Variants in SPTB observed in about 807,000 individuals in gnomAD.
SPTB encodes the protein spectrin beta, erythrocytic, also known as spectrin beta chain, erythrocytic.
Under a neutral mutation model 256.2 loss-of-function variants are expected in SPTB, and 45 were observed. That is an observed-to-expected ratio of 0.18 (90% confidence interval 0.14 to 0.23). The LOEUF is 0.23. SPTB is among the 10% of genes least tolerant of loss of function. The pLI is 1.00. For missense variants in SPTB, 2,715 were observed against 3,040.4 expected, an observed-to-expected ratio of 0.89 and a Z score of 2.52; for synonymous variants, 1,231 against 1,243.1, an observed-to-expected ratio of 0.99 and a Z score of 0.21.
At chr14:64,789,038 G>A (rs2082623599) in intron 15 of SPTB, among the ~76,000 whole-genome samples, 1 of 152,164 alleles carries the variant, frequency 6.6e-6, no homozygotes, top group African/African-American at 2.4e-5. Flanking sequence ...CACTGACCTA[G>A]GCACTAGGGA....
intron 29 of SPTB, 73 bp from the exon 30 acceptor site, chr14:64,767,932 T>C: frequency 1.9e-6 from 3 of 1,553,884 alleles, no homozygotes; most frequent in Non-Finnish European, 2.6e-6. Flanking sequence ...TCACTCCTGA[T>C]TGGGGCCAGT....
Position 64,799,949 on chromosome 14 carries a change from T to A in SPTB, c.877-15A>T, listed in dbSNP as rs775735344. On this transcript the variant is annotated splice_polypyrimidine_tract_variant and intron_variant, in intron 8 of 35. Coordinates refer to ENST00000644917, the MANE Select transcript of SPTB (RefSeq NM_001355436.2). ...TGGTCAATAACCTAAGGAATCATCTTCTTACTTATTCTCATCAGAAGGGCA... is the reference window on the plus strand; with the variant it reads ...TGGTCAATAACCTAAGGAATCATCTACTTACTTATTCTCATCAGAAGGGCA... 1 of 1,613,810 alleles carries A rather than the reference T, an allele frequency of 6.2e-7. No individual in the cohort carries two copies. Among genetic ancestry groups the A allele is most frequent in the Non-Finnish European group, 8.5e-7 (1 of 1,179,934 alleles).
intron 32 of SPTB, among the ~76,000 whole-genome samples, chr14:64,765,377 A>G (rs112094136): frequency 2.2e-4 from 34 of 152,056 alleles, no homozygotes; most frequent in African/African-American, 6.8e-4. Flanking sequence ...TCCCCAGAGC[A>G]GCTCCCTAAG....
chr14:64,829,339 A>G (rs2083415899), intron 1 of SPTB, among the ~76,000 whole-genome samples: 1 of 152,234 alleles, frequency 6.6e-6, no homozygotes. Flanking sequence ...AAAGAGGCAG[A>G]GAGTGAGGAC....
intron 2 of SPTB, among the ~76,000 whole-genome samples, chr14:64,821,868 T>C (rs1214874167): frequency 6.6e-6 from 1 of 152,152 alleles, no homozygotes; most frequent in Non-Finnish European, 1.5e-5. Flanking sequence ...GAGGTCATTA[T>C]GGTCCCAGAG....
At position 64,770,912 on chromosome 14, in the gene SPTB, C is replaced by T. The variant is rs182057003; in HGVS notation, c.5771G>A (p.Arg1924Gln). ...GGGCCTCTCCTGGGTCTCGATCTGC[C>T]GGATGATGCTCTCCATCCAGGAGAG... ...DLLSWMESII[R>Q]QIETQERPRD... Residue 1924 changes from arginine (R) to glutamine (Q), a missense_variant, in exon 27 of 36, where the codon CGG (arginine) becomes CAG (glutamine). Physicochemically the swap from Arg to Gln is conservative, Grantham distance 43. Around this residue, in one of 4 missense-constraint regions of SPTB, gnomAD observed 2,239 missense variants for 2,384.4 expected, o/e 0.94. Coordinates refer to ENST00000644917, the MANE Select transcript of SPTB (RefSeq NM_001355436.2). 26 of 1,614,094 alleles carry T rather than the reference C, an allele frequency of 1.6e-5. No homozygotes were observed. The highest frequency in any genetic ancestry group is 1.6e-4 in the East Asian group (7 of 44,890).
chr14:64,774,994 T>G, intron 23 of SPTB, 131 bp downstream of exon 23: 1 of 1,313,498 alleles, frequency 7.6e-7, no homozygotes, highest in Non-Finnish European at 1.1e-6. Context: ...AGGGAGTCTG[T>G]GGGTTCCTTG....
intron 32 of SPTB, among the ~76,000 whole-genome samples, chr14:64,761,692 C>T (rs965936112): frequency 1.3e-5 from 2 of 152,184 alleles, no homozygotes; most frequent in Admixed American, 6.5e-5. Context: ...GAGAATGAGG[C>T]TTCCTCGGGA....
rs115214565 is a variant in SPTB at position 64,856,622 on chromosome 14, C to A, written c.-52+23170G>T. Among the ~76,000 whole-genome samples, 598 of 152,352 alleles carry A rather than the reference C, an allele frequency of 3.9e-3. 3 individuals carry two copies. The highest frequency in any genetic ancestry group is 0.013 in the African/African-American group (540 of 41,576). ...CCCAACTTGCCTGCAAATGGATTAG[C>A]CAGGGCAAACTTTGCAAATCAAATG... On this transcript the variant is annotated intron_variant, in intron 1 of 35. Transcript: ENST00000644917.
chr14:64,838,841 C>T (rs1350864282), intron 1 of SPTB, among the ~76,000 whole-genome samples: 1 of 152,146 alleles, frequency 6.6e-6, no homozygotes, highest in African/African-American at 2.4e-5. Flanking sequence ...AGCCTCTATG[C>T]AAACATTTAG....
At chr14:64,803,315 G>A (rs1216477313) in intron 4 of SPTB, among the ~76,000 whole-genome samples, 1 of 152,102 alleles carries the variant, frequency 6.6e-6, no homozygotes, top group African/African-American at 2.4e-5. Flanking sequence ...TATAGGGGGA[G>A]GAGGCTAAAA....
At chr14:64,837,039 G>A (rs901928894) in intron 1 of SPTB, among the ~76,000 whole-genome samples, 4 of 152,186 alleles carry the variant, frequency 2.6e-5, no homozygotes, top group Admixed American at 1.3e-4. Flanking sequence ...CAGAGATAAT[G>A]AGCTCTGCCC....
chr14:64,831,977 G>C (rs1374585796), intron 1 of SPTB, among the ~76,000 whole-genome samples: 2 of 152,120 alleles, frequency 1.3e-5, no homozygotes, highest in African/African-American at 2.4e-5. Context: ...TTTTTAGGTG[G>C]AGTGAAGGGA....
intron 32 of SPTB, among the ~76,000 whole-genome samples, chr14:64,761,104 G>A (rs985664957): frequency 6.6e-6 from 1 of 152,200 alleles, no homozygotes; most frequent in South Asian, 2.1e-4. Context: ...CAACCAAAGA[G>A]TGCTGGTGAC....
Position 64,855,478 on chromosome 14 carries a change from C to T in SPTB, c.-52+24314G>A, listed in dbSNP as rs1392199196. Among the ~76,000 whole-genome samples the T allele has an allele frequency of 2.0e-5, 3 of 152,056 alleles. No homozygotes were observed. In the East Asian group the frequency reaches 5.8e-4, roughly 29 times the overall value. On this transcript the variant is annotated intron_variant, in intron 1 of 35. Transcript: ENST00000644917. Reference sequence around the variant, plus strand: ...CACAAGACACCAAATATTCATCATCCCTTGTGTTCTAACATGACTTAATTT... The same window carrying T: ...CACAAGACACCAAATATTCATCATCTCTTGTGTTCTAACATGACTTAATTT...
At position 64,796,864 on chromosome 14, in the gene SPTB, A is replaced by G. The variant is rs74601701; in HGVS notation, c.1183-149T>C. 2,561 of 1,040,570 alleles carry G rather than the reference A, an allele frequency of 2.5e-3. 17 individuals are homozygous for G. Among genetic ancestry groups the G allele is most frequent in the East Asian group, 0.017 (650 of 38,054 alleles). The allele number at this position is 1,040,570 out of a possible 1,614,324, so 64.5% of individuals were successfully genotyped here. On this transcript the variant is annotated intron_variant, in intron 10 of 35. Transcript: ENST00000644917. The surrounding 1 kb of genome is among the most constrained non-coding windows in gnomAD (Gnocchi z 4.1). ...TGACGTGGTAGCAGATTAAAGATCAATAAAAGCCTTTGGCTTTCATGTCTG... is the reference window on the plus strand; with the variant it reads ...TGACGTGGTAGCAGATTAAAGATCAGTAAAAGCCTTTGGCTTTCATGTCTG...
At chr14:64,752,227 G>A in intron 33 of SPTB, 1 of 1,348,570 alleles carries the variant, frequency 7.4e-7, no homozygotes, top group Non-Finnish European at 9.8e-7. Context: ...GAAGCATGTT[G>A]CTGCATTTCT....
rs988992709 is a variant in SPTB, at chr14:64,777,309, G to A, written c.4563+1848C>T. On this transcript the variant is annotated intron_variant, in intron 22 of 35. Transcript: ENST00000644917. This position sits in a 1 kb window ranked among gnomAD's most constrained non-coding sequence, Gnocchi z 4.5. ...AAGTGAGAAGAGCTGAGTTTCAGAAGCAGGCAGGGGTCAGGTCAGGCAAGA... is the reference window on the plus strand; with the variant it reads ...AAGTGAGAAGAGCTGAGTTTCAGAAACAGGCAGGGGTCAGGTCAGGCAAGA... Among the ~76,000 whole-genome samples, 4 of 152,220 alleles carry A rather than the reference G, an allele frequency of 2.6e-5. No homozygotes were observed. The highest frequency in any genetic ancestry group is 6.5e-5 in the Admixed American group (1 of 15,278).
At position 64,749,646 on chromosome 14, in the gene SPTB, G is replaced by A. The variant is rs773778110; in HGVS notation, c.6819+8C>T. The A allele has an allele frequency of 3.7e-5, 59 of 1,613,476 alleles. No individual in the cohort carries two copies. Among genetic ancestry groups the A allele is most frequent in the Non-Finnish European group, 4.7e-5 (55 of 1,179,934 alleles). ...TAGCCAGGTCTGGGCTAGGCTGCCC[G>A]CGCTTACCTCATCCTTGCCATGGAA... On this transcript the variant is annotated splice_region_variant and intron_variant, in intron 35 of 35. Coordinates refer to ENST00000644917, the MANE Select transcript of SPTB (RefSeq NM_001355436.2). The surrounding 1 kb of genome is among the most constrained non-coding windows in gnomAD (Gnocchi z 4.7).
Sources: gnomAD v4.1 joint callset for allele counts (sites outside exome capture counted in the v4.1 genomes callset) on GRCh38, gnomAD v4.1.1 for gene constraint, gnomAD v4.1.1 regional missense constraint, Gnocchi (gnomAD v3.1) non-coding constraint, MANE v1.5 for transcripts, NCBI Gene and HGNC (gene_info 2026-07-23, HGNC 2026-07-21) for gene names.